Variants in ATE1 observed in about 807,000 individuals in gnomAD.
ATE1 encodes arginyltransferase 1, also known as arginyl-tRNA--protein transferase 1.
Under a neutral mutation model 70.5 loss-of-function variants are expected in ATE1, and 36 were observed. That is an observed-to-expected ratio of 0.51 (90% CI 0.39 to 0.67). The LOEUF is 0.67. ATE1 is among the 30% of genes least tolerant of loss of function. The pLI is 0.00. For missense variants in ATE1, 593 were observed against 629.5 expected (o/e 0.94, Z 0.62); for synonymous variants, 232 against 219.3 (o/e 1.06, Z -0.51).
chr10:121,908,869 G>A (rs114531589), intron 5 of ATE1, among the ~76,000 whole-genome samples: 312 of 152,286 alleles, frequency 2.0e-3, no homozygotes, highest in Middle Eastern at 0.014. Flanking sequence ...ATTTATAAGC[G>A]GGCAGAGGAA....
At chr10:121,760,735 T>C (rs1295531480) in intron 11 of ATE1, among the ~76,000 whole-genome samples, 1 of 152,216 alleles carries the variant, frequency 6.6e-6, no homozygotes, top group Non-Finnish European at 1.5e-5. Flanking sequence ...AGCAGCATGA[T>C]CTGAGAAGAC....
At chr10:121,913,712 T>TC in intron 4 of ATE1, 78 bp downstream of exon 4, 1 of 967,378 alleles carries the variant, frequency 1.0e-6, no homozygotes, top group Non-Finnish European at 1.6e-6. Flanking sequence ...TAATGACCCT[T>TC]CCCCTTCCCA....
chr10:121,927,834 G>A lies in ATE1; in HGVS notation c.106+10C>T. ...CCGGCTTCCCACGCCCGCCGGCCCG[G>A]CTCGCTCACCATTGGAGCGGCTGCC... On this transcript the variant is annotated intron_variant, in intron 1 of 11. Coordinates refer to ENST00000224652, the MANE Select transcript of ATE1 (RefSeq NM_001001976.3). 6 of 1,558,538 alleles carry A rather than the reference G, an allele frequency of 3.8e-6. No homozygotes were observed. The highest frequency in any genetic ancestry group is 2.4e-5 in the South Asian group (2 of 84,708).
intron 7 of ATE1, among the ~76,000 whole-genome samples, chr10:121,882,904 T>C (rs1403297469): frequency 6.6e-6 from 1 of 152,196 alleles, no homozygotes; most frequent in Non-Finnish European, 1.5e-5. Context: ...TATTGTTATA[T>C]AAAGCTAAAC....
intron 10 of ATE1, among the ~76,000 whole-genome samples, chr10:121,822,369 T>TAC (rs927130925): frequency 2.2e-4 from 33 of 152,306 alleles, no homozygotes; most frequent in Middle Eastern, 3.4e-3. Flanking sequence ...GAACAGTGGT[T>TAC]ACCTTGGGGG....
intron 1 of ATE1, 124 bp downstream of exon 1, chr10:121,927,720 C>G: frequency 7.4e-7 from 1 of 1,349,684 alleles, no homozygotes; most frequent in Non-Finnish European, 9.5e-7. Context: ...CGAGAGTGCC[C>G]CCTCCGTCTC....
chr10:121,830,026 A>G (rs543131246), intron 10 of ATE1, among the ~76,000 whole-genome samples: 5 of 152,224 alleles, frequency 3.3e-5, no homozygotes, highest in Non-Finnish European at 5.9e-5. Flanking sequence ...ATTTGCAATG[A>G]GGAACATTCA....
In ATE1 at chr10:121,743,567, T is replaced by TA. The variant is rs1303868533; in HGVS notation, c.*112dup. The TA allele has an allele frequency of 4.5e-5, 62 of 1,382,510 alleles. No individual in the cohort carries two copies. Among genetic ancestry groups the TA allele is most frequent in the Middle Eastern group, 5.4e-4 (2 of 3,718 alleles). 85.6% of individuals were successfully genotyped at this position (1,382,510 alleles called of 1,614,324 possible). On this transcript the variant is annotated 3_prime_UTR_variant, in exon 12 of 12. Transcript: ENST00000224652. ...TTTTAAAAGCCATAGATAGTCAAAA[T>TA]AAAAAATGTCTAATTTGTGGGTGGT...
At chr10:121,753,678 G>A (rs1944679099) in intron 11 of ATE1, among the ~76,000 whole-genome samples, 1 of 152,182 alleles carries the variant, frequency 6.6e-6, no homozygotes, top group Non-Finnish European at 1.5e-5. Context: ...GATGAATAAG[G>A]ACTCTCAAAT....
intron 11 of ATE1, among the ~76,000 whole-genome samples, chr10:121,762,833 C>T (rs1295470333): frequency 6.6e-6 from 1 of 152,152 alleles, no homozygotes; most frequent in Non-Finnish European, 1.5e-5. Context: ...ATATTAGAAG[C>T]GTTTCAGTTT....
chr10:121,863,929 T>C (rs1949568915), intron 8 of ATE1, among the ~76,000 whole-genome samples: 1 of 152,216 alleles, frequency 6.6e-6, no homozygotes, highest in African/African-American at 2.4e-5. Flanking sequence ...ATTCGTATAG[T>C]AGTGTTTTAC....
At chr10:121,819,303 C>T (rs1297671614) in intron 10 of ATE1, among the ~76,000 whole-genome samples, 2 of 152,114 alleles carry the variant, frequency 1.3e-5, no homozygotes, top group Admixed American at 6.5e-5. Flanking sequence ...ATAAAGATAA[C>T]GCATACTCAT....
chr10:121,826,248 A>G (rs1360141487), intron 10 of ATE1, among the ~76,000 whole-genome samples: 1 of 68,748 alleles, frequency 1.5e-5, no homozygotes, highest in Non-Finnish European at 3.5e-5. Flanking sequence ...CACCAAACTG[A>G]GCACTTAAAA....
At chr10:121,907,223 G>A (rs1473446994) in intron 5 of ATE1, among the ~76,000 whole-genome samples, 1 of 152,080 alleles carries the variant, frequency 6.6e-6, no homozygotes, top group Non-Finnish European at 1.5e-5. Context: ...GGGAGCCCGG[G>A]GCAGGTGGAT....
intron 8 of ATE1, among the ~76,000 whole-genome samples, chr10:121,850,230 C>G (rs1399228500): frequency 6.6e-6 from 1 of 152,120 alleles, no homozygotes; most frequent in East Asian, 1.9e-4. Context: ...CTCGAAAACA[C>G]CAAGAATGAA....
Position 121,841,202 on chromosome 10 carries a change from A to C in ATE1, c.1037T>G (p.Leu346Arg). The change falls in exon 9 of 12, where the codon CTT becomes CGT. Residue 346 changes from leucine (L) to arginine (R), a missense_variant. Leu to Arg is a moderately radical substitution (Grantham distance 102, BLOSUM62 -2). Transcript: ENST00000224652. ...CCCCACAGCAATGATCTTTCCGTCA[A>C]GCCAGTACTGCTGGTGAAAGGAGCC... is the stretch of plus-strand genomic sequence containing the variant. ...GYGSFHQQYW[L>R]DGKIIAVGVI... is the part of the protein sequence containing the mutation. 1 of 1,582,802 alleles carries C rather than the reference A, an allele frequency of 6.3e-7. No homozygotes were observed. Among genetic ancestry groups the C allele is most frequent in the South Asian group, 1.2e-5 (1 of 85,360 alleles).
rs1951388987 is a variant in ATE1 at position 121,910,752 on chromosome 10, ATCTAAT to A, written c.583+148_583+153del. Among the ~76,000 whole-genome samples the A allele has an allele frequency of 3.9e-5, 6 of 152,364 alleles. No homozygotes were observed. In the South Asian group the frequency reaches 1.2e-3, roughly 32 times the overall value. On this transcript the variant is annotated intron_variant, in intron 5 of 11. Coordinates refer to ENST00000224652, the MANE Select transcript of ATE1 (RefSeq NM_001001976.3). ...AGTTTGTAAAAGGCATGATTTGTCC[ATCTAAT>A]TCTAGGCAATAATAAACAAAGCAGG...
chr10:121,928,126 C>A (rs1952182167), upstream of ATE1: 1 of 1,240,218 alleles, frequency 8.1e-7, no homozygotes, highest in East Asian at 3.2e-5. Context: ...CCCGCGCCAT[C>A]TTGACCGAGG....
rs1206004866 is a variant in ATE1 at position 121,927,887 on chromosome 10, G to A, written c.63C>T (p.Tyr21=). The change falls in exon 1 of 12, where the codon TAC becomes TAT. Residue 21 remains tyrosine, a synonymous_variant. Coordinates refer to ENST00000224652, the MANE Select transcript of ATE1 (RefSeq NM_001001976.3). ...ACTCGTTCTTGCAGTAGCCGCAGCG[G>A]TAGAAGTCCTCGCTAGGGAAATAGT... ...VVDYFPSEDF[Y]RCGYCKNESG... 2 of 1,592,338 alleles carry A rather than the reference G, an allele frequency of 1.3e-6. No individual in the cohort carries two copies. Among genetic ancestry groups the A allele is most frequent in the Non-Finnish European group, 8.5e-7 (1 of 1,172,110 alleles).
Sources: allele counts gnomAD v4.1 joint callset (sites outside exome capture counted in the v4.1 genomes callset), GRCh38; gene constraint gnomAD v4.1.1; transcripts MANE v1.5; gene names NCBI Gene and HGNC (gene_info 2026-07-23, HGNC 2026-07-21).